PABPC3: variants seen among roughly 807,000 people sequenced by gnomAD.
PABPC3 encodes polyadenylate-binding protein 3.
A neutral mutation model predicts 43.0 loss-of-function variants in PABPC3; 43 were observed. The ratio of observed to expected loss-of-function variants is 1.00; its 90% confidence interval spans 0.78 to 1.29. The LOEUF is 1.29. PABPC3 is among the 50% of genes most tolerant of loss of function. PABPC3 has a pLI of 0.00. For missense variants in PABPC3, 784 were observed against 798.1 expected (o/e 0.98, Z 0.21); for synonymous variants, 221 against 274.6 (o/e 0.80, Z 1.93).
rs369126872 is a variant in PABPC3 at position 25,096,489 on chromosome 13, A to G, written c.291A>G (p.Gly97=). ...GTGATCCATCACTTCGAAAAAGTGGAGTGGGCAACATATTCGTTAAAAATC... is the reference window on the plus strand; with the variant it reads ...GTGATCCATCACTTCGAAAAAGTGGGGTGGGCAACATATTCGTTAAAAATC... The part of the protein sequence containing the change: ...SQRDPSLRKS[G]VGNIFVKNLD... Residue 97 remains glycine, a synonymous_variant, in exon 1 of 1, where the codon GGA becomes GGG. Coordinates refer to ENST00000281589, the MANE Select transcript of PABPC3 (RefSeq NM_030979.3). The G allele has an allele frequency of 1.1e-5, 18 of 1,614,116 alleles. No individual in the cohort carries two copies. Among genetic ancestry groups the G allele is most frequent in the Admixed American group, 5.0e-5 (3 of 60,002 alleles).
chr13:25,096,177 C>A lies in PABPC3; in HGVS notation c.-22C>A. 6.3e-7 allele frequency: 1 copy of A among 1,597,836 alleles called. No individual in the cohort carries two copies. Among genetic ancestry groups the A allele is most frequent in the East Asian group, 2.2e-5 (1 of 44,724 alleles). On this transcript the variant is annotated 5_prime_UTR_variant, in exon 1 of 1. Coordinates refer to ENST00000281589, the MANE Select transcript of PABPC3 (RefSeq NM_030979.3). The stretch of plus-strand genomic sequence containing the variant: ...TAACGGAAAGGTCGCGGCTTGTGTG[C>A]CTGCGGGCAGCCGTGCCGAGAATGA...
rs2137386318 is a variant in PABPC3 at position 25,098,551 on chromosome 13, T to C, written c.*457T>C. ...TATAAAATTCTTGCTTTAATAAAAA[T>C]TTCTTAAACAGTGAAAAAAAGAAAA... is the stretch of plus-strand genomic sequence containing the variant. On this transcript the variant is annotated 3_prime_UTR_variant, in exon 1 of 1. Transcript: ENST00000281589. The C allele has an allele frequency of 6.0e-6, 1 of 167,906 alleles. No individual in the cohort carries two copies. The highest frequency in any genetic ancestry group is 2.4e-5 in the African/African-American group (1 of 41,192). 10.4% of individuals were successfully genotyped at this position (167,906 alleles called of 1,614,324 possible). A position where few individuals can be genotyped will look rare whatever the true frequency, so the allele number is the denominator to read the frequency against.
In PABPC3 at chr13:25,098,040, T is replaced by C. The variant is rs765407655; in HGVS notation, c.1842T>C (p.Ala614=). The C allele has an allele frequency of 1.2e-6, 2 of 1,614,008 alleles. No individual in the cohort carries two copies. Among genetic ancestry groups the C allele is most frequent in the Non-Finnish European group, 1.7e-6 (2 of 1,179,874 alleles). The change falls in exon 1 of 1, where the codon GCT becomes GCC. Residue 614 remains alanine, a synonymous_variant. Transcript: ENST00000281589. Reference sequence around the variant, plus strand: ...TAGCTGTACTACAAGCCCACCAAGCTAAAGAGGCTACCCAGAAAGCAGTTA... The same window carrying C: ...TAGCTGTACTACAAGCCCACCAAGCCAAAGAGGCTACCCAGAAAGCAGTTA... ...EAVAVLQAHQ[A]KEATQKAVNS... is the part of the protein sequence containing the mutation.
rs1329667063 is a variant in PABPC3 at position 25,098,993 on chromosome 13, G to C, written c.*899G>C. The stretch of plus-strand genomic sequence containing the variant: ...GTAATTTAACTATTGACTTCCTGCT[G>C]TAACAAATAAGGATATGTTTCATCT... On this transcript the variant is annotated 3_prime_UTR_variant, in exon 1 of 1. Transcript: ENST00000281589. 6.0e-6 allele frequency: 1 copy of C among 166,672 alleles called. No individual in the cohort carries two copies. Among genetic ancestry groups the C allele is most frequent in the Non-Finnish European group, 1.5e-5 (1 of 68,016 alleles). 10.3% of individuals were successfully genotyped at this position (166,672 alleles called of 1,614,324 possible). A position where few individuals can be genotyped will look rare whatever the true frequency, so the allele number is the denominator to read the frequency against.
In PABPC3 at chr13:25,096,940, G is replaced by A; in HGVS notation, c.742G>A (p.Val248Ile). ...FERHEDAQKA[V>I]DEMNGKELNG... The stretch of plus-strand genomic sequence containing the variant: ...AAGGCATGAAGATGCACAGAAAGCT[G>A]TAGATGAGATGAATGGAAAGGAGCT... The change falls in exon 1 of 1, where the codon GTA becomes ATA. Residue 248 changes from valine (V) to isoleucine (I), a missense_variant. Val to Ile is a conservative substitution (Grantham distance 29). Coordinates refer to ENST00000281589, the MANE Select transcript of PABPC3 (RefSeq NM_030979.3). 6.2e-7 allele frequency: 1 copy of A among 1,614,236 alleles called. No individual in the cohort carries two copies. Among genetic ancestry groups the A allele is most frequent in the Non-Finnish European group, 8.5e-7 (1 of 1,180,010 alleles).
In PABPC3 at chr13:25,096,783, C is replaced by T; in HGVS notation, c.585C>T (p.Ile195=). Residue 195 remains isoleucine (I), a synonymous_variant, in exon 1 of 1, where the codon ATC becomes ATT. Transcript: ENST00000281589. ...CAAAAGAGTTCCCCAATGTTTACAT[C>T]AAGAATTTTGGAGAAGACATGGATG... The part of the protein sequence containing the change: ...ARAKEFPNVY[I]KNFGEDMDDE... 1 of 1,614,298 alleles carries T rather than the reference C, an allele frequency of 6.2e-7. No homozygotes were observed. The highest frequency in any genetic ancestry group is 1.1e-5 in the South Asian group (1 of 91,092).
rs1341809319 is a variant in PABPC3 at position 25,097,026 on chromosome 13, T to G, written c.828T>G (p.Leu276=). Residue 276 remains leucine (L), a synonymous_variant, in exon 1 of 1, where the codon CTT becomes CTG. Coordinates refer to ENST00000281589, the MANE Select transcript of PABPC3 (RefSeq NM_030979.3). ...AAAAAGTGGAACGGCAGACGGAACT[T>G]AAGCGCACATTTGAACAGATGAAGC... ...AQKKVERQTE[L]KRTFEQMKQD... 5 of 1,593,278 alleles carry G rather than the reference T, an allele frequency of 3.1e-6. No individual in the cohort carries two copies. Among genetic ancestry groups the G allele is most frequent in the Non-Finnish European group, 3.4e-6 (4 of 1,177,342 alleles).
Position 25,096,646 on chromosome 13 carries a change from G to A in PABPC3, c.448G>A (p.Ala150Thr), listed in dbSNP as rs1473531429. The A allele has an allele frequency of 2.5e-6, 4 of 1,614,170 alleles. No homozygotes were observed. The highest frequency in any genetic ancestry group is 3.4e-6 in the Non-Finnish European group (4 of 1,180,060). ...YGFVHFETHEAAERAIKKMNG... is the reference protein window; with the variant it reads ...YGFVHFETHETAERAIKKMNG... Reference sequence around the variant, plus strand: ...ATTTGTACACTTTGAGACACACGAAGCAGCTGAAAGAGCTATTAAAAAAAT... The same window carrying A: ...ATTTGTACACTTTGAGACACACGAAACAGCTGAAAGAGCTATTAAAAAAAT... Residue 150 changes from alanine (A) to threonine (T), a missense_variant, in exon 1 of 1, where the codon GCA becomes ACA. Transcript: ENST00000281589.
In PABPC3 at chr13:25,097,814, C is replaced by A. The variant is rs1381696764; in HGVS notation, c.1616C>A (p.Thr539Asn). ...QLAVHVQGQETLTASRLASAP... is the reference protein window; with the variant it reads ...QLAVHVQGQENLTASRLASAP... Reference sequence around the variant, plus strand: ...GCTGTTCATGTACAAGGTCAGGAAACTTTGACTGCCTCCAGGTTGGCATCT... The same window carrying A: ...GCTGTTCATGTACAAGGTCAGGAAAATTTGACTGCCTCCAGGTTGGCATCT... The change falls in exon 1 of 1, where the codon ACT (threonine) becomes AAT (asparagine). Residue 539 changes from threonine to asparagine, a missense_variant. Coordinates refer to ENST00000281589, the MANE Select transcript of PABPC3 (RefSeq NM_030979.3). The A allele has an allele frequency of 6.2e-7, 1 of 1,614,060 alleles. No individual in the cohort carries two copies. The highest frequency in any genetic ancestry group is 8.5e-7 in the Non-Finnish European group (1 of 1,179,940).
rs775478675 is a variant in PABPC3 at position 25,097,667 on chromosome 13, C to A, written c.1469C>A (p.Ala490Asp). Residue 490 changes from alanine (A) to aspartate (D), a missense_variant, in exon 1 of 1, where the codon GCT becomes GAT. By Grantham distance (126) the Ala-to-Asp change is moderately radical. Coordinates refer to ENST00000281589, the MANE Select transcript of PABPC3 (RefSeq NM_030979.3). ...CAGACAGTGGGTCCACGTCCTGCAG[C>A]TGCTGCTGCTGCTGCAGCTACCCCT... ...STQTVGPRPA[A>D]AAAAAATPAV... is the part of the protein sequence containing the mutation. 1.8e-5 allele frequency: 27 copies of A among 1,462,420 alleles called. No homozygotes were observed. The highest frequency in any genetic ancestry group is 2.1e-5 in the Non-Finnish European group (23 of 1,094,198). 90.6% of individuals were successfully genotyped at this position (1,462,420 alleles called of 1,614,324 possible).
chr13:25,096,305 C>A lies in PABPC3; in HGVS notation c.107C>A (p.Pro36His). 2.5e-6 allele frequency: 4 copies of A among 1,614,240 alleles called. No homozygotes were observed. The highest frequency in any genetic ancestry group is 3.4e-6 in the Non-Finnish European group (4 of 1,180,044). ...TACGAGAAGTTCAGCCCGGCAGGGC[C>A]CATCCTCTCCATCCGGATCTGCAGG... is the stretch of plus-strand genomic sequence containing the variant. The part of the protein sequence containing the change: ...MLYEKFSPAG[P>H]ILSIRICRDL... Residue 36 changes from proline to histidine, a missense_variant, in exon 1 of 1, where the codon CCC becomes CAC. Pro to His is a moderately conservative substitution (Grantham distance 77, BLOSUM62 -2). Coordinates refer to ENST00000281589, the MANE Select transcript of PABPC3 (RefSeq NM_030979.3).
the PABPC3 span, chr13:25,097,381 C>T: frequency 1.2e-6 from 2 of 1,614,046 alleles, no homozygotes; most frequent in Non-Finnish European, 1.7e-6. Context: ...TGTGCCCAAC[C>T]AGCGAGCACC....
In PABPC3 at chr13:25,097,055, A is replaced by G. The variant is rs1172258806; in HGVS notation, c.857A>G (p.Asp286Gly). ...LKRTFEQMKQ[D>G]RITRYQVVNL... ...CGCACATTTGAACAGATGAAGCAAGATAGGATCACCAGATACCAGGTTGTT... is the reference window on the plus strand; with the variant it reads ...CGCACATTTGAACAGATGAAGCAAGGTAGGATCACCAGATACCAGGTTGTT... Residue 286 changes from aspartate (D) to glycine (G), a missense_variant, in exon 1 of 1, where the codon GAT becomes GGT. By Grantham distance (94) the Asp-to-Gly change is moderately conservative (BLOSUM62 -1). Coordinates refer to ENST00000281589, the MANE Select transcript of PABPC3 (RefSeq NM_030979.3). 1.9e-6 allele frequency: 3 copies of G among 1,614,262 alleles called. No homozygotes were observed. The highest frequency in any genetic ancestry group is 2.5e-6 in the Non-Finnish European group (3 of 1,180,042).
rs780584126 is a variant in PABPC3, at chr13:25,096,194, C to T, written c.-5C>T. On this transcript the variant is annotated 5_prime_UTR_variant, in exon 1 of 1. Coordinates refer to ENST00000281589, the MANE Select transcript of PABPC3 (RefSeq NM_030979.3). ...CTTGTGTGCCTGCGGGCAGCCGTGC[C>T]GAGAATGAACCCCAGCACCCCCAGC... is the stretch of plus-strand genomic sequence containing the variant. 3.7e-6 allele frequency: 6 copies of T among 1,607,656 alleles called. No individual in the cohort carries two copies. In the East Asian group the frequency reaches 6.7e-5, roughly 18 times the overall value.
chr13:25,096,692 G>T lies in PABPC3; in HGVS notation c.494G>T (p.Gly165Val). ...AAAATGAACGGAATGCTCCTAAATG[G>T]TCGCAAAGTATTTGTTGGACAATTT... Reference protein sequence around the residue: ...IKKMNGMLLNGRKVFVGQFKS... With the variant: ...IKKMNGMLLNVRKVFVGQFKS... Residue 165 changes from glycine to valine, a missense_variant, in exon 1 of 1, where the codon GGT (glycine) becomes GTT (valine). Physicochemically the swap from Gly to Val is moderately radical, Grantham distance 109 (BLOSUM62 -3). Transcript: ENST00000281589. The T allele has an allele frequency of 6.2e-7, 1 of 1,614,254 alleles. No homozygotes were observed. Among genetic ancestry groups the T allele is most frequent in the Non-Finnish European group, 8.5e-7 (1 of 1,180,056 alleles).
Position 25,097,577 on chromosome 13 carries a change from T to C in PABPC3, c.1379T>C (p.Met460Thr), listed in dbSNP as rs201574360. ...GCTCCTAGAGTACCATTTAGTACTA[T>C]GAGACCAGCTTCTTCACAGGTTCCA... The part of the protein sequence containing the change: ...PGAPRVPFST[M>T]RPASSQVPRV... Residue 460 changes from methionine to threonine, a missense_variant, in exon 1 of 1, where the codon ATG becomes ACG. Coordinates refer to ENST00000281589, the MANE Select transcript of PABPC3 (RefSeq NM_030979.3). 2.3e-4 allele frequency: 370 copies of C among 1,613,804 alleles called. 5 individuals carry two copies. The South Asian group carries it at 3.9e-3, about 17-fold the overall frequency.
Position 25,096,298 on chromosome 13 carries a change from G to A in PABPC3, c.100G>A (p.Ala34Thr), listed in dbSNP as rs753839906. Residue 34 changes from alanine to threonine, a missense_variant, in exon 1 of 1, where the codon GCA becomes ACA. Coordinates refer to ENST00000281589, the MANE Select transcript of PABPC3 (RefSeq NM_030979.3). ...EAMLYEKFSP[A>T]GPILSIRICR... ...GATGCTCTACGAGAAGTTCAGCCCG[G>A]CAGGGCCCATCCTCTCCATCCGGAT... 6.2e-7 allele frequency: 1 copy of A among 1,614,228 alleles called. No homozygotes were observed. Among genetic ancestry groups the A allele is most frequent in the Non-Finnish European group, 8.5e-7 (1 of 1,180,040 alleles).
rs184056840 is a variant in PABPC3 at position 25,097,689 on chromosome 13, C to G, written c.1491C>G (p.Thr497=). Residue 497 remains threonine, a synonymous_variant, in exon 1 of 1, where the codon ACC becomes ACG. Transcript: ENST00000281589. ...CAGCTGCTGCTGCTGCTGCAGCTACCCCTGCTGTGCGCACGGTTCCACGGT... is the reference window on the plus strand; with the variant it reads ...CAGCTGCTGCTGCTGCTGCAGCTACGCCTGCTGTGCGCACGGTTCCACGGT... The part of the protein sequence containing the change: ...RPAAAAAAAA[T]PAVRTVPRYK... The G allele has an allele frequency of 1.0e-5, 16 of 1,585,144 alleles. No homozygotes were observed. Among genetic ancestry groups the G allele is most frequent in the Non-Finnish European group, 1.3e-5 (15 of 1,167,126 alleles).
chr13:25,097,816 TTGAC>T, the PABPC3 span: 57 of 1,613,942 alleles, frequency 3.5e-5, no homozygotes, highest in Middle Eastern at 6.6e-4. Flanking sequence ...TCAGGAAACT[TTGAC>T]TGCCTCCAGG....
Sources: gnomAD v4.1 joint callset for allele counts on GRCh38, gnomAD v4.1.1 for gene constraint, MANE v1.5 for transcripts, NCBI Gene and HGNC (gene_info 2026-07-23, HGNC 2026-07-21) for gene names.